RFC3: variants seen among roughly 807,000 people sequenced by gnomAD.
The protein encoded by RFC3 is A1 38 kDa subunit.
A neutral mutation model predicts 45.1 loss-of-function variants in RFC3; 41 were observed. That is an observed-to-expected ratio of 0.91 (90% CI 0.71 to 1.18). RFC3 has a LOEUF of 1.18. Ranked by LOEUF, RFC3 falls within the 50% of genes most tolerant of loss-of-function variation. The probability of loss-of-function intolerance (pLI) is 0.00; values close to 1 mark genes in which losing one functional copy is unlikely to be tolerated. For synonymous variants in RFC3, 149 were observed against 144.0 expected (o/e 1.03, Z -0.25); for missense variants, 423 against 428.1 (o/e 0.99, Z 0.10).
At chr13:33,929,787 A>G (rs1015875252) in intron 8 of RFC3, among the ~76,000 whole-genome samples, 1 of 152,082 alleles carries the variant, frequency 6.6e-6, no homozygotes, top group African/African-American at 2.4e-5. Flanking sequence ...ATATTATTAT[A>G]ATTTGACAAT....
intron 8 of RFC3, among the ~76,000 whole-genome samples, chr13:33,870,535 C>T (rs2137563841): frequency 6.6e-6 from 1 of 152,314 alleles, no homozygotes; most frequent in East Asian, 1.9e-4. Context: ...CATCCATGTT[C>T]AACAGTCTGT....
intron 5 of RFC3, 123 bp from the exon 6 acceptor site, chr13:33,830,596 G>A: frequency 1.5e-6 from 1 of 666,710 alleles, no homozygotes; most frequent in South Asian, 2.8e-5. Flanking sequence ...TACTTTTAGT[G>A]TAAGTTTCAC....
chr13:33,842,597 C>T (rs1388013863), intron 8 of RFC3, among the ~76,000 whole-genome samples: 2 of 152,200 alleles, frequency 1.3e-5, no homozygotes, highest in Non-Finnish European at 2.9e-5. Context: ...TCACTGTTAT[C>T]ACAGTTCTCT....
At chr13:33,899,437 A>G (rs773376131) in intron 8 of RFC3, among the ~76,000 whole-genome samples, 23 of 151,704 alleles carry the variant, frequency 1.5e-4, no homozygotes, top group Non-Finnish European at 3.2e-4. Context: ...AAAAAATATA[A>G]TTATTTCAAT....
At chr13:33,859,795 C>T (rs2082329296) in intron 8 of RFC3, among the ~76,000 whole-genome samples, 1 of 152,064 alleles carries the variant, frequency 6.6e-6, no homozygotes, top group Admixed American at 6.6e-5. Context: ...TGAATTTTGT[C>T]CTCAATGGTG....
chr13:33,899,309 G>T (rs2082623867), intron 8 of RFC3, among the ~76,000 whole-genome samples: 1 of 149,670 alleles, frequency 6.7e-6, no homozygotes, highest in African/African-American at 2.5e-5. Context: ...ACTGAATTCA[G>T]CAATACATTA....
At position 33,818,187 on chromosome 13, in the gene RFC3, C is replaced by T. The variant is rs772138530; in HGVS notation, c.9C>T (p.Leu3=). Residue 3 remains leucine, a synonymous_variant, in exon 1 of 9, where the codon CTC becomes CTT. Transcript: ENST00000380071. MS[L]WVDKYRPCSL... ...CGGGAACTCGAGCTGCCATGAGCCT[C>T]TGGGTGGACAAGTATCGGCCCTGCT... is the stretch of plus-strand genomic sequence containing the variant. The T allele has an allele frequency of 3.1e-6, 5 of 1,613,388 alleles. No homozygotes were observed. The highest frequency in any genetic ancestry group is 3.3e-4 in the Middle Eastern group (2 of 6,082).
chr13:33,928,046 C>T (rs76210638), intron 8 of RFC3, among the ~76,000 whole-genome samples: 16,075 of 152,090 alleles, frequency 0.11, 1,131 homozygotes, highest in Admixed American at 0.21. Flanking sequence ...CAATTATTAT[C>T]ATCTCCATTT....
At chr13:33,916,590 A>C (rs1593689704) in intron 8 of RFC3, among the ~76,000 whole-genome samples, 1 of 152,138 alleles carries the variant, frequency 6.6e-6, no homozygotes. Context: ...GGCTAATAGC[A>C]CCAGTGATGA....
At chr13:33,830,269 AG>A (rs1322849176) in intron 5 of RFC3, among the ~76,000 whole-genome samples, 2 of 152,180 alleles carry the variant, frequency 1.3e-5, no homozygotes, top group African/African-American at 4.8e-5. Context: ...AAACTAGGTA[AG>A]GGCTAGTTAT....
At chr13:33,930,866 T>G (rs1180498813) in intron 8 of RFC3, among the ~76,000 whole-genome samples, 1 of 152,152 alleles carries the variant, frequency 6.6e-6, no homozygotes, top group African/African-American at 2.4e-5. Flanking sequence ...GATCCCTGCC[T>G]TTCTCTCTTC....
At chr13:33,834,329 T>TATATATATACATAC (rs1300798923) in intron 7 of RFC3, among the ~76,000 whole-genome samples, 7 of 125,106 alleles carry the variant, frequency 5.6e-5, no homozygotes, top group Admixed American at 1.7e-4. Flanking sequence ...TATATATATA[T>TATATATATACATAC]ATCTGTACTG....
chr13:33,929,402 C>A (rs900630350), intron 8 of RFC3, among the ~76,000 whole-genome samples: 1 of 152,044 alleles, frequency 6.6e-6, no homozygotes. Flanking sequence ...AAAAACTATA[C>A]TTTCTTTATA....
intron 8 of RFC3, among the ~76,000 whole-genome samples, chr13:33,855,367 A>G (rs1465134126): frequency 6.6e-6 from 1 of 152,116 alleles, no homozygotes. Flanking sequence ...TATTTTCTTT[A>G]CCCAGTCTAC....
chr13:33,884,416 GC>G (rs1204562657), intron 8 of RFC3, among the ~76,000 whole-genome samples: 1 of 152,196 alleles, frequency 6.6e-6, no homozygotes, highest in African/African-American at 2.4e-5. Context: ...TTAGAATCTA[GC>G]CTGATTTAGA....
chr13:33,833,083 A>T (rs1047517126), intron 7 of RFC3, among the ~76,000 whole-genome samples: 1 of 152,134 alleles, frequency 6.6e-6, no homozygotes, highest in African/African-American at 2.4e-5. Flanking sequence ...CATAAAAAGA[A>T]ATTTTGCTCA....
intron 1 of RFC3, 39 bp downstream of exon 1, chr13:33,818,304 C>T (rs773797037): frequency 5.8e-5 from 91 of 1,567,536 alleles, no homozygotes; most frequent in Non-Finnish European, 7.4e-5. Flanking sequence ...AGAGGGGAGG[C>T]CCCCCGGCTC....
chr13:33,832,725 A>G (rs1384727531), intron 7 of RFC3, among the ~76,000 whole-genome samples: 1 of 152,194 alleles, frequency 6.6e-6, no homozygotes, highest in Non-Finnish European at 1.5e-5. Flanking sequence ...TTAAAGAGAT[A>G]AAATTCAAAT....
At chr13:33,975,039 A>G in the RFC3 span, among the ~76,000 whole-genome samples, 4 of 152,230 alleles carry the variant, frequency 2.6e-5, no homozygotes, top group Non-Finnish European at 5.9e-5. Flanking sequence ...CAGCAATGTA[A>G]TGCTACTAGA....
Sources: allele counts gnomAD v4.1 joint callset (sites outside exome capture counted in the v4.1 genomes callset), GRCh38; gene constraint gnomAD v4.1.1; transcripts MANE v1.5; gene names NCBI Gene and HGNC (gene_info 2026-07-23, HGNC 2026-07-21).